The following DHX29 variants were observed in gnomAD, a reference collection of about 807,000 sequenced individuals.
DHX29 encodes ATP-dependent RNA helicase DHX29.
In DHX29, 79 loss-of-function variants were observed where a neutral mutation model predicts 167.9. That is an observed-to-expected ratio of 0.47 (90% CI 0.39 to 0.57). The LOEUF (loss-of-function observed/expected upper bound fraction) is 0.57, where lower values mean the gene tolerates loss of function less well. Among genes scored for constraint, DHX29 ranks in the 20% least tolerant of loss-of-function variants. The pLI is 0.00. For synonymous variants in DHX29, 530 were observed against 546.0 expected (o/e 0.97, Z 0.41); for missense variants, 1,347 against 1,593.4 (o/e 0.85, Z 2.63).
Position 55,258,534 on chromosome 5 carries a change from T to C in DHX29, c.4057+1314A>G, listed in dbSNP as rs148561174. ...ATTCTTTGCAACTGCCAGGATGATT[T>C]TGATGATTTGGCAAGTTTGAGAAAC... is the stretch of plus-strand genomic sequence containing the variant. On this transcript the variant is annotated intron_variant, in intron 26 of 26. Coordinates refer to ENST00000251636, the MANE Select transcript of DHX29 (RefSeq NM_019030.4). Among the ~76,000 whole-genome samples, 138 of 152,234 alleles carry C rather than the reference T, an allele frequency of 9.1e-4. 2 individuals are homozygous for C. The highest frequency in any genetic ancestry group is 3.1e-3 in the African/African-American group (128 of 41,558).
intron 1 of DHX29, among the ~76,000 whole-genome samples, chr5:55,303,425 G>T (rs1748704296): frequency 6.6e-6 from 1 of 152,130 alleles, no homozygotes; most frequent in Admixed American, 6.6e-5. Context: ...AGTAATAAAG[G>T]GGAAGTGCAG....
intron 21 of DHX29, among the ~76,000 whole-genome samples, chr5:55,269,143 G>A (rs779927294): frequency 6.6e-6 from 1 of 151,124 alleles, no homozygotes; most frequent in African/African-American, 2.4e-5. Context: ...CTACTTGGGA[G>A]ACTGAGGCAT....
intron 5 of DHX29, among the ~76,000 whole-genome samples, chr5:55,294,441 A>G (rs7721304): frequency 0.15 from 23,370 of 152,240 alleles, 2,341 homozygotes; most frequent in African/African-American, 0.28. Flanking sequence ...TCGGGAGGCC[A>G]AAGCGGGCGG....
In DHX29 at chr5:55,277,162, T is replaced by C; in HGVS notation, c.2230A>G (p.Thr744Ala). Residue 744 changes from threonine to alanine, a missense_variant, in exon 13 of 27, where the codon ACA becomes GCA. Around this residue, in one of 3 missense-constraint regions of DHX29, gnomAD observed 882 missense variants for 1,082.4 expected, o/e 0.81. Coordinates refer to ENST00000251636, the MANE Select transcript of DHX29 (RefSeq NM_019030.4). ...AGAATGGGGCAGTGTGTGAAATATG[T>C]AGAAAATTTTTCGCTGTCCACAGTG... Reference protein sequence around the residue: ...SATVDSEKFSTYFTHCPILRI... With the variant: ...SATVDSEKFSAYFTHCPILRI... 3.1e-6 allele frequency: 5 copies of C among 1,613,050 alleles called. No homozygotes were observed. The highest frequency in any genetic ancestry group is 3.4e-6 in the Non-Finnish European group (4 of 1,179,378).
intron 21 of DHX29, among the ~76,000 whole-genome samples, chr5:55,268,577 A>T (rs1424352582): frequency 6.6e-6 from 1 of 151,962 alleles, no homozygotes; most frequent in Non-Finnish European, 1.5e-5. Context: ...GGGGTGCACC[A>T]CCATGCCCGG....
At chr5:55,285,258 C>T (rs749171710) in intron 10 of DHX29, 35 bp downstream of exon 10, 21 of 1,602,144 alleles carry the variant, frequency 1.3e-5, no homozygotes, top group Non-Finnish European at 1.8e-5. Context: ...TACTGCCTTC[C>T]ACATACAGAT....
intron 4 of DHX29, 42 bp from the exon 5 acceptor site, chr5:55,295,566 G>A (rs753654122): frequency 1.9e-6 from 3 of 1,588,184 alleles, no homozygotes; most frequent in Non-Finnish European, 2.6e-6. Context: ...ACAGGCATAT[G>A]ATACATAAAA....
intron 1 of DHX29, among the ~76,000 whole-genome samples, chr5:55,305,839 C>G (rs1165853308): frequency 2.6e-5 from 4 of 152,094 alleles, no homozygotes; most frequent in Admixed American, 2.6e-4. Context: ...AAATTGCCAA[C>G]TTGAGCTTGG....
chr5:55,295,326 C>T, intron 5 of DHX29, 53 bp downstream of exon 5: 1 of 1,338,568 alleles, frequency 7.5e-7, no homozygotes, highest in Non-Finnish European at 1.1e-6. Flanking sequence ...TGAACTGTTA[C>T]ATGTGCTCCA....
intron 20 of DHX29, 135 bp downstream of exon 20, chr5:55,270,277 G>T: frequency 1.0e-6 from 1 of 961,992 alleles, no homozygotes; most frequent in Non-Finnish European, 1.5e-6. Context: ...ATAATAAGAT[G>T]GATAAGGGCA....
chr5:55,304,542 C>T lies in DHX29; in HGVS notation c.187+2845G>A, dbSNP rs1188436789. On this transcript the variant is annotated intron_variant, in intron 1 of 26. Coordinates refer to ENST00000251636, the MANE Select transcript of DHX29 (RefSeq NM_019030.4). ...GTCTCAATCTCCTGACCTCGTGATCCGCCTGCCTCGGCCTCCCAAAGTGCT... is the reference window on the plus strand; with the variant it reads ...GTCTCAATCTCCTGACCTCGTGATCTGCCTGCCTCGGCCTCCCAAAGTGCT... Among the ~76,000 whole-genome samples, 5 of 151,644 alleles carry T rather than the reference C, an allele frequency of 3.3e-5. 1 individual carries two copies. The highest frequency in any genetic ancestry group is 4.9e-5 in the African/African-American group (2 of 41,232).
chr5:55,299,036 CAAAAAAAAA>C (rs35986300), intron 1 of DHX29, among the ~76,000 whole-genome samples: 10 of 76,164 alleles, frequency 1.3e-4, no homozygotes, highest in African/African-American at 4.7e-4. Flanking sequence ...GACTCCGTCT[CAAAAAAAAA>C]AAAAAAAAAA....
rs779803158 is a variant in DHX29 at position 55,270,446 on chromosome 5, C to T, written c.3035G>A (p.Arg1012His). Residue 1012 changes from arginine (R) to histidine (H), a missense_variant, in exon 20 of 27, where the codon CGT (arginine) becomes CAT (histidine). Physicochemically the swap from Arg to His is conservative, Grantham distance 29 (BLOSUM62 0). Transcript: ENST00000251636. Reference sequence around the variant, plus strand: ...AAGGCATAATTCCTCCAAAGGTACACGTAAGATTTCAGGAACAGAATAATC... The same window carrying T: ...AAGGCATAATTCCTCCAAAGGTACATGTAAGATTTCAGGAACAGAATAATC... ...FMDYSVPEIL[R>H]VPLEELCLHI... The T allele has an allele frequency of 8.1e-6, 13 of 1,612,040 alleles. No homozygotes were observed. Among genetic ancestry groups the T allele is most frequent in the African/African-American group, 6.7e-5 (5 of 74,816 alleles).
At position 55,274,609 on chromosome 5, in the gene DHX29, GT is replaced by G; in HGVS notation, c.2690+4del. The stretch of plus-strand genomic sequence containing the variant: ...ACCAGGAATATAATGAAGATGAGTA[GT>G]TACCGTTCAGAATAAAATCTTCTAT... On this transcript the variant is annotated splice_donor_region_variant and intron_variant, in intron 16 of 26. Transcript: ENST00000251636. The G allele has an allele frequency of 6.4e-7, 1 of 1,556,394 alleles. No homozygotes were observed. Among genetic ancestry groups the G allele is most frequent in the Middle Eastern group, 2.0e-4 (1 of 4,940 alleles).
intron 3 of DHX29, 86 bp downstream of exon 3, chr5:55,297,199 G>A (rs1458790491): frequency 6.1e-6 from 4 of 656,112 alleles, no homozygotes; most frequent in Middle Eastern, 4.1e-4. Context: ...CTCAATGGAA[G>A]TTGTAAAGCC....
intron 8 of DHX29, among the ~76,000 whole-genome samples, chr5:55,287,672 G>C (rs1233982176): frequency 6.6e-6 from 1 of 152,102 alleles, no homozygotes; most frequent in East Asian, 1.9e-4. Flanking sequence ...TGTGTGGCCA[G>C]ATGCGGTGGC....
rs567730804 is a variant in DHX29, at chr5:55,305,125, C to T, written c.187+2262G>A. Among the ~76,000 whole-genome samples, 363 of 152,314 alleles carry T rather than the reference C, an allele frequency of 2.4e-3. 2 individuals carry two copies. Among genetic ancestry groups the T allele is most frequent in the Middle Eastern group, 0.024 (7 of 294 alleles). On this transcript the variant is annotated intron_variant, in intron 1 of 26. Transcript: ENST00000251636. ...GAAATGTTAACACATATCCATAAAA[C>T]TGTTCCTACCTCCTGTAATTTTGTT...
intron 10 of DHX29, among the ~76,000 whole-genome samples, 165 bp downstream of exon 10, chr5:55,285,128 G>C (rs1238480854): frequency 6.6e-6 from 1 of 152,180 alleles, no homozygotes; most frequent in Non-Finnish European, 1.5e-5. Context: ...CAGACTTCTG[G>C]CCTAAGAGGA....
At chr5:55,259,058 C>T (rs1190026101) in intron 26 of DHX29, among the ~76,000 whole-genome samples, 1 of 152,092 alleles carries the variant, frequency 6.6e-6, no homozygotes, top group East Asian at 1.9e-4. Flanking sequence ...GTTGTCTAGG[C>T]TGGACTTTAA....
Sources: gnomAD v4.1 joint callset for allele counts (sites outside exome capture counted in the v4.1 genomes callset) on GRCh38, gnomAD v4.1.1 for gene constraint, gnomAD v4.1.1 regional missense constraint, MANE v1.5 for transcripts, NCBI Gene and HGNC (gene_info 2026-07-23, HGNC 2026-07-21) for gene names.